Variants in KIF5C observed in about 807,000 individuals in gnomAD.
KIF5C encodes kinesin family member 5C.
In KIF5C, 18 loss-of-function variants were observed where a neutral mutation model predicts 125.2. The observed-to-expected ratio is 0.14, with a 90% confidence interval of 0.10 to 0.21. The LOEUF (loss-of-function observed/expected upper bound fraction) is 0.21. Among genes scored for constraint, KIF5C ranks in the 10% least tolerant of loss-of-function variants. The pLI, the probability that KIF5C is intolerant of heterozygous loss-of-function variation, is 1.00. For missense variants in KIF5C, 780 were observed against 1,183.8 expected, an observed-to-expected ratio of 0.66 and a Z score of 5.01; for synonymous variants, 405 against 434.0, an observed-to-expected ratio of 0.93 and a Z score of 0.83.
At position 148,937,819 on chromosome 2, in the gene KIF5C, T is replaced by A. The variant is rs76328759; in HGVS notation, c.396+431T>A. Among the ~76,000 whole-genome samples the A allele has an allele frequency of 1.0e-3, 154 of 152,346 alleles. 3 individuals are homozygous for A. The East Asian group carries it at 0.022, about 22-fold the overall frequency. ...GCTTTCTTGAACAGTGTTAAGTTTA[T>A]CACAGGTTTCAATATGCTCTGCAAA... On this transcript the variant is annotated intron_variant, in intron 4 of 25. Coordinates refer to ENST00000435030, the MANE Select transcript of KIF5C (RefSeq NM_004522.3).
In KIF5C at chr2:148,934,953, C is replaced by T. The variant is rs185789554; in HGVS notation, c.292-2331C>T. ...TACATCCTCCCCTGCGTACACACACCTGCAGATTGTTTCGGCAGGCCCAGT... is the reference window on the plus strand; with the variant it reads ...TACATCCTCCCCTGCGTACACACACTTGCAGATTGTTTCGGCAGGCCCAGT... On this transcript the variant is annotated intron_variant, in intron 3 of 25. Transcript: ENST00000435030. 6 of 284,678 alleles carry T rather than the reference C, an allele frequency of 2.1e-5. No homozygotes were observed. In the East Asian group the frequency reaches 7.5e-4, roughly 35 times the overall value. The allele number at this position is 284,678 out of a possible 1,614,324, so 17.6% of individuals were successfully genotyped here. A position where few individuals can be genotyped will look rare whatever the true frequency, so the allele number is the denominator to read the frequency against.
intron 25 of KIF5C, among the ~76,000 whole-genome samples, chr2:149,022,785 G>A (rs1471548564): frequency 2.0e-5 from 3 of 152,128 alleles, no homozygotes; most frequent in African/African-American, 2.4e-5. Flanking sequence ...TTAGCCGGGT[G>A]TGGTGGCAAA....
At chr2:148,888,683 T>C (rs1198044275) in intron 1 of KIF5C, 1 of 152,058 alleles carries the variant, frequency 6.6e-6, no homozygotes, top group African/African-American at 2.4e-5. Context: ...AACGCTATGA[T>C]GGTAACATGA....
intron 9 of KIF5C, 60 bp from the exon 10 acceptor site, chr2:148,950,254 G>A: frequency 1.3e-6 from 2 of 1,578,352 alleles, no homozygotes; most frequent in Non-Finnish European, 1.7e-6. Context: ...TGACTTGCTT[G>A]CCTCTGTGTT....
At chr2:148,891,014 A>G (rs547920616) in intron 1 of KIF5C, among the ~76,000 whole-genome samples, 1 of 152,356 alleles carries the variant, frequency 6.6e-6, no homozygotes, top group East Asian at 1.9e-4. Context: ...ATTAAGCCAC[A>G]TTTTAAAAGT....
intron 3 of KIF5C, among the ~76,000 whole-genome samples, chr2:148,930,773 G>T (rs907364074): frequency 1.3e-5 from 2 of 152,164 alleles, no homozygotes; most frequent in Admixed American, 6.5e-5. Flanking sequence ...AAGGAAGCAT[G>T]AGGTTTATTT....
chr2:148,954,789 G>C (rs1682753268), intron 10 of KIF5C, among the ~76,000 whole-genome samples: 1 of 152,188 alleles, frequency 6.6e-6, no homozygotes, highest in Non-Finnish European at 1.5e-5. Flanking sequence ...AGCCTGAATA[G>C]TGTGCATATG....
chr2:148,973,463 G>C lies in KIF5C; in HGVS notation c.1245G>C (p.Glu415Asp), dbSNP rs748248274. ...VVAGISTEEK[E>D]KYDEEISSLY... The stretch of plus-strand genomic sequence containing the variant: ...CTGGCATCTCTACAGAGGAGAAAGA[G>C]AAGTACGATGAGGAGATCTCCAGTC... The change falls in exon 12 of 26, where the codon GAG becomes GAC. Residue 415 changes from glutamate to aspartate, a missense_variant. Physicochemically the swap from Glu to Asp is conservative, Grantham distance 45 (BLOSUM62 2). Coordinates refer to ENST00000435030, the MANE Select transcript of KIF5C (RefSeq NM_004522.3). 3.7e-6 allele frequency: 6 copies of C among 1,613,426 alleles called. No individual in the cohort carries two copies. Among genetic ancestry groups the C allele is most frequent in the Non-Finnish European group, 4.2e-6 (5 of 1,179,652 alleles).
intron 9 of KIF5C, 29 bp from the exon 10 acceptor site, chr2:148,950,285 A>G: frequency 6.2e-7 from 1 of 1,607,666 alleles, no homozygotes; most frequent in Non-Finnish European, 8.5e-7. Flanking sequence ...TGGGCTGTCA[A>G]AACCAATACT....
intron 1 of KIF5C, among the ~76,000 whole-genome samples, chr2:148,899,431 G>C: frequency 6.6e-6 from 1 of 152,190 alleles, no homozygotes; most frequent in East Asian, 1.9e-4. Flanking sequence ...TCCAGGCGTG[G>C]TGGCTCATGC....
intron 1 of KIF5C, among the ~76,000 whole-genome samples, chr2:148,881,435 T>C (rs879018102): frequency 6.6e-6 from 1 of 152,210 alleles, no homozygotes; most frequent in Non-Finnish European, 1.5e-5. Context: ...TTTCTTTTTT[T>C]AATTAAATTT....
intron 3 of KIF5C, among the ~76,000 whole-genome samples, chr2:148,934,846 A>G (rs1476379460): frequency 6.6e-6 from 1 of 151,822 alleles, no homozygotes; most frequent in Non-Finnish European, 1.5e-5. Context: ...TATCACACAC[A>G]GACATATACT....
intron 11 of KIF5C, among the ~76,000 whole-genome samples, chr2:148,967,537 T>G (rs1016874513): frequency 2.0e-5 from 3 of 152,200 alleles, no homozygotes; most frequent in Admixed American, 6.5e-5. Flanking sequence ...ATACATTGTC[T>G]GATGAAGACT....
At chr2:148,960,943 A>G (rs1272812907) in intron 10 of KIF5C, among the ~76,000 whole-genome samples, 3 of 152,226 alleles carry the variant, frequency 2.0e-5, no homozygotes, top group Admixed American at 1.3e-4. Flanking sequence ...AAGGCCACTT[A>G]GGTGTTCGTT....
intron 7 of KIF5C, 112 bp from the exon 8 acceptor site, chr2:148,946,787 T>TA: frequency 2.0e-6 from 3 of 1,471,054 alleles, no homozygotes; most frequent in Non-Finnish European, 1.8e-6. Context: ...TGACTGGACT[T>TA]ACTTCAATGA....
intron 12 of KIF5C, among the ~76,000 whole-genome samples, chr2:148,973,763 T>A (rs1052367743): frequency 6.6e-6 from 1 of 152,180 alleles, no homozygotes; most frequent in African/African-American, 2.4e-5. Flanking sequence ...GAGTCTTGTC[T>A]TCTAGAAATT....
chr2:148,961,278 G>A (rs1290722250), intron 10 of KIF5C, among the ~76,000 whole-genome samples: 1 of 152,140 alleles, frequency 6.6e-6, no homozygotes, highest in Admixed American at 6.5e-5. Flanking sequence ...CTCACCGCAT[G>A]GTGATGACGG....
chr2:148,878,339 G>A (rs193089309), intron 1 of KIF5C: 1 of 152,232 alleles, frequency 6.6e-6, no homozygotes, highest in African/African-American at 2.4e-5. Context: ...CATAGAGTAT[G>A]TTCTCTTTTG....
At chr2:148,969,523 G>T (rs993945848) in intron 11 of KIF5C, among the ~76,000 whole-genome samples, 2 of 150,938 alleles carry the variant, frequency 1.3e-5, no homozygotes, top group Non-Finnish European at 2.9e-5. Flanking sequence ...CCTATAGACA[G>T]CAGGTATAAG....
Sources: gnomAD v4.1 joint callset for allele counts (sites outside exome capture counted in the v4.1 genomes callset) on GRCh38, gnomAD v4.1.1 for gene constraint, MANE v1.5 for transcripts, NCBI Gene and HGNC (gene_info 2026-07-23, HGNC 2026-07-21) for gene names.